ZNF69: variants seen among roughly 807,000 people sequenced by gnomAD.
ZNF69 encodes zinc finger protein 69.
In ZNF69, 47 loss-of-function variants were observed where a neutral mutation model predicts 50.9. That is an observed-to-expected ratio of 0.92 (90% confidence interval 0.73 to 1.18). The LOEUF (loss-of-function observed/expected upper bound fraction) is 1.18. Ranked by LOEUF, ZNF69 falls within the 50% of genes most tolerant of loss-of-function variation. ZNF69 has a pLI of 0.00. For missense variants in ZNF69, 717 were observed against 675.1 expected (o/e 1.06, Z -0.69); for synonymous variants, 216 against 223.1 (o/e 0.97, Z 0.29).
rs756983452 is a variant in ZNF69 at position 11,904,845 on chromosome 19, G to A, written c.448G>A (p.Gly150Arg). Residue 150 changes from glycine (G) to arginine (R), a missense_variant, in exon 4 of 4, where the codon GGA becomes AGA. Transcript: ENST00000429654. Reference protein sequence around the residue: ...SFNMNIRGDIGHKAYEYQEYG... With the variant: ...SFNMNIRGDIRHKAYEYQEYG... ...TAATATGAACATCAGAGGTGACATT[G>A]GACACAAGGCCTATGAGTATCAGGA... The A allele has an allele frequency of 1.9e-6, 3 of 1,613,914 alleles. No individual in the cohort carries two copies. In the African/African-American group the frequency reaches 4.0e-5, roughly 22 times the overall value.
the ZNF69 span, among the ~76,000 whole-genome samples, chr19:11,975,543 G>A: frequency 1.8e-3 from 272 of 152,060 alleles, no homozygotes; most frequent in Admixed American, 4.4e-3. Flanking sequence ...GACTACAGGC[G>A]CCCGCCACCG....
intron 1 of ZNF69, among the ~76,000 whole-genome samples, chr19:11,901,578 A>C (rs2145230582): frequency 6.6e-6 from 1 of 152,134 alleles, no homozygotes; most frequent in South Asian, 2.1e-4. Context: ...TCTGCCTCCC[A>C]GGTTCAAATG....
downstream of ZNF69, among the ~76,000 whole-genome samples, chr19:11,910,977 A>G (rs1972449608): frequency 6.6e-6 from 1 of 152,156 alleles, no homozygotes; most frequent in Non-Finnish European, 1.5e-5. Flanking sequence ...AATTTACAAG[A>G]AAAAATCAAA....
At chr19:11,936,034 A>G in the ZNF69 span, among the ~76,000 whole-genome samples, 1 of 152,204 alleles carries the variant, frequency 6.6e-6, no homozygotes, top group African/African-American at 2.4e-5. Context: ...AAAGGACATG[A>G]ACTCATCCTT....
chr19:11,970,879 C>T, the ZNF69 span, among the ~76,000 whole-genome samples: 2 of 152,032 alleles, frequency 1.3e-5, no homozygotes, highest in South Asian at 2.1e-4. Flanking sequence ...TGCAGTGAGC[C>T]GAGATCCCGC....
chr19:11,925,210 T>C, the ZNF69 span: 5 of 1,612,348 alleles, frequency 3.1e-6, no homozygotes, highest in East Asian at 1.1e-4. Context: ...TCGCCTGCGC[T>C]ATGCCCTGCT....
chr19:11,945,979 G>A, the ZNF69 span, among the ~76,000 whole-genome samples: 3 of 152,102 alleles, frequency 2.0e-5, no homozygotes, highest in Non-Finnish European at 4.4e-5. Context: ...GGATAAGGGG[G>A]TGACCGGGGT....
the ZNF69 span, among the ~76,000 whole-genome samples, chr19:11,967,863 A>G: frequency 2.6e-5 from 4 of 152,256 alleles, no homozygotes; most frequent in Admixed American, 6.5e-5. Flanking sequence ...GCCTACGTGC[A>G]TGTGGGCTGA....
At chr19:11,947,796 A>G in the ZNF69 span, among the ~76,000 whole-genome samples, 1 of 152,326 alleles carries the variant, frequency 6.6e-6, no homozygotes, top group Non-Finnish European at 1.5e-5. Flanking sequence ...GCTTGAGGCC[A>G]TCAGTTCCAG....
chr19:11,943,056 CATT>C, the ZNF69 span, among the ~76,000 whole-genome samples: 11 of 152,148 alleles, frequency 7.2e-5, no homozygotes, highest in African/African-American at 2.7e-4. Context: ...CAAAGCTTCT[CATT>C]ATTTGAAGGA....
At chr19:11,949,110 T>C in the ZNF69 span, 64 of 1,612,360 alleles carry the variant, frequency 4.0e-5, 1 homozygote, top group South Asian at 7.1e-4. Context: ...AAAGACCTTA[T>C]AAATGTAAGA....
At chr19:11,923,292 CTTCT>C in the ZNF69 span, among the ~76,000 whole-genome samples, 2 of 152,212 alleles carry the variant, frequency 1.3e-5, no homozygotes, top group African/African-American at 4.8e-5. Context: ...TCATCGATGA[CTTCT>C]TTGTCATCAG....
the ZNF69 span, among the ~76,000 whole-genome samples, chr19:11,960,050 T>C: frequency 6.6e-6 from 1 of 151,938 alleles, no homozygotes. Context: ...TTTTTTTTTT[T>C]TTAGACAAGA....
At chr19:11,969,688 T>G in the ZNF69 span, among the ~76,000 whole-genome samples, 2 of 152,170 alleles carry the variant, frequency 1.3e-5, no homozygotes, top group Non-Finnish European at 2.9e-5. Flanking sequence ...TCTCAAATCC[T>G]CCACCCTCAT....
chr19:11,901,955 A>G (rs981944572), intron 1 of ZNF69, among the ~76,000 whole-genome samples: 1 of 149,228 alleles, frequency 6.7e-6, no homozygotes, highest in Non-Finnish European at 1.5e-5. Context: ...TGCATGTTGT[A>G]GTATAGGCCA....
intron 1 of ZNF69, among the ~76,000 whole-genome samples, chr19:11,890,568 G>A (rs1014659899): frequency 1.3e-5 from 2 of 152,102 alleles, no homozygotes; most frequent in African/African-American, 4.8e-5. Context: ...CCTTTTCTAT[G>A]TAGACACAGT....
At position 11,905,693 on chromosome 19, in the gene ZNF69, A is replaced by AT. The variant is rs1335786018; in HGVS notation, c.1298dup (p.Leu433PhefsTer4). 1 of 1,613,672 alleles carries AT rather than the reference A, an allele frequency of 6.2e-7. No homozygotes were observed. Among genetic ancestry groups the AT allele is most frequent in the Non-Finnish European group, 8.5e-7 (1 of 1,179,968 alleles). On this transcript the variant is annotated frameshift_variant, in exon 4 of 4. Transcript: ENST00000429654. LOFTEE classifies it high-confidence loss of function. Reference sequence around the variant, plus strand: ...CCTTCAGATCTTCCTCACACCTTCAATTGCATGGTAGGACTCACACTGGAG... The same window carrying AT: ...CCTTCAGATCTTCCTCACACCTTCAATTTGCATGGTAGGACTCACACTGGAG...
At chr19:11,979,594 C>G in the ZNF69 span, 357 of 1,581,360 alleles carry the variant, frequency 2.3e-4, 5 homozygotes, top group East Asian at 8.0e-3. Context: ...CCTTTTGGTA[C>G]CATGAAAGGA....
the ZNF69 span, among the ~76,000 whole-genome samples, chr19:11,973,836 T>C: frequency 6.6e-6 from 1 of 152,056 alleles, no homozygotes; most frequent in Non-Finnish European, 1.5e-5. Flanking sequence ...GTTCAGTTCA[T>C]TTAGGTTAAT....
Sources: allele counts gnomAD v4.1 joint callset (sites outside exome capture counted in the v4.1 genomes callset), GRCh38; gene constraint gnomAD v4.1.1; transcripts MANE v1.5; gene names NCBI Gene and HGNC (gene_info 2026-07-23, HGNC 2026-07-21).